The following ARL15 variants were observed in gnomAD, a reference collection of about 807,000 sequenced individuals.
ARL15 encodes the protein ADP-ribosylation factor-like protein 15.
In ARL15, 19 loss-of-function variants were observed where a neutral mutation model predicts 25.2. The observed-to-expected ratio is 0.75, with a 90% CI of 0.53 to 1.10. ARL15 has a LOEUF of 1.10. Ranked by LOEUF, ARL15 falls within the 50% of genes least tolerant of loss-of-function variation. The pLI is 0.00. For synonymous variants in ARL15, 94 were observed against 86.8 expected (o/e 1.08, Z -0.46); for missense variants, 220 against 246.0 (o/e 0.89, Z 0.71).
chr5:54,058,000 A>T (rs889581551), intron 4 of ARL15, among the ~76,000 whole-genome samples: 115 of 136,730 alleles, frequency 8.4e-4, no homozygotes, highest in African/African-American at 2.6e-3. Flanking sequence ...TTATTTATTT[A>T]TTTATTTATT....
intron 1 of ARL15, among the ~76,000 whole-genome samples, chr5:54,192,068 C>T (rs889510478): frequency 5.9e-5 from 9 of 152,154 alleles, no homozygotes; most frequent in South Asian, 2.1e-4. Context: ...TCCTGGCCCA[C>T]GCTTGGTAAC....
At chr5:54,166,403 G>C (rs1206682091) in intron 2 of ARL15, among the ~76,000 whole-genome samples, 1 of 151,976 alleles carries the variant, frequency 6.6e-6, no homozygotes, top group Non-Finnish European at 1.5e-5. Context: ...GTCTTACTAT[G>C]TTGCCCAAGC....
intron 1 of ARL15, among the ~76,000 whole-genome samples, chr5:54,192,532 G>C (rs1001163973): frequency 6.6e-6 from 1 of 151,750 alleles, no homozygotes; most frequent in African/African-American, 2.4e-5. Context: ...TTGAATGGAA[G>C]GAACATGCAT....
At position 54,303,088 on chromosome 5, in the gene ARL15, AT is replaced by A. The variant is rs530386540; in HGVS notation, c.48+7343del. On this transcript the variant is annotated intron_variant, in intron 1 of 4. Coordinates refer to ENST00000504924, the MANE Select transcript of ARL15 (RefSeq NM_019087.3). ...GTCTACCTTAGAAATAAATCCTTTT[AT>A]AAAGTTAATACCATCAGGAGATTTT... 4.6e-5 allele frequency among the ~76,000 whole-genome samples: 7 copies of A among 152,240 alleles called. No individual in the cohort carries two copies. In the South Asian group the frequency reaches 1.5e-3, roughly 32 times the overall value.
At chr5:53,960,039 C>A (rs1448746192) in intron 4 of ARL15, among the ~76,000 whole-genome samples, 1 of 152,016 alleles carries the variant, frequency 6.6e-6, no homozygotes, top group Non-Finnish European at 1.5e-5. Flanking sequence ...GTCAAGCAGA[C>A]AGACAGATAT....
chr5:54,306,289 A>C (rs1408602169), intron 1 of ARL15, among the ~76,000 whole-genome samples: 1 of 152,212 alleles, frequency 6.6e-6, no homozygotes, highest in African/African-American at 2.4e-5. Context: ...TATTTCCATA[A>C]ATTGAGACTA....
intron 4 of ARL15, among the ~76,000 whole-genome samples, chr5:54,025,181 A>T (rs1749748357): frequency 6.6e-6 from 1 of 152,138 alleles, no homozygotes; most frequent in African/African-American, 2.4e-5. Flanking sequence ...GAACAAATGG[A>T]AAGTGAGGAT....
At chr5:54,239,857 C>A (rs1756908975) in intron 1 of ARL15, among the ~76,000 whole-genome samples, 1 of 152,090 alleles carries the variant, frequency 6.6e-6, no homozygotes, top group Admixed American at 6.6e-5. Context: ...TATTTACCTG[C>A]AAGTCTGTTT....
At chr5:54,144,583 A>T (rs1417607820) in intron 3 of ARL15, among the ~76,000 whole-genome samples, 3 of 151,630 alleles carry the variant, frequency 2.0e-5, no homozygotes, top group Non-Finnish European at 4.4e-5. Flanking sequence ...CTCATTTTTC[A>T]TTTGGCATCT....
At chr5:54,016,705 T>A (rs1749439844) in intron 4 of ARL15, among the ~76,000 whole-genome samples, 1 of 152,192 alleles carries the variant, frequency 6.6e-6, no homozygotes, top group African/African-American at 2.4e-5. Context: ...CAGACCTCGC[T>A]CAAATGCAAC....
intron 1 of ARL15, among the ~76,000 whole-genome samples, chr5:54,257,575 T>C (rs904012461): frequency 2.6e-5 from 4 of 152,258 alleles, no homozygotes; most frequent in Non-Finnish European, 5.9e-5. Context: ...CCAGTGACCA[T>C]GTGGAATGTG....
intron 4 of ARL15, among the ~76,000 whole-genome samples, chr5:54,080,698 AC>A (rs1751769884): frequency 6.6e-6 from 1 of 152,232 alleles, no homozygotes; most frequent in Non-Finnish European, 1.5e-5. Flanking sequence ...AACAGGGAGT[AC>A]AAAAAAACCC....
At chr5:54,118,550 G>C (rs1388948925) in intron 3 of ARL15, among the ~76,000 whole-genome samples, 1 of 152,146 alleles carries the variant, frequency 6.6e-6, no homozygotes, top group African/African-American at 2.4e-5. Flanking sequence ...GTGAGAAAAA[G>C]ACATTTAAGA....
At chr5:54,049,239 T>A (rs1283655569) in intron 4 of ARL15, among the ~76,000 whole-genome samples, 1 of 152,100 alleles carries the variant, frequency 6.6e-6, no homozygotes, top group African/African-American at 2.4e-5. Flanking sequence ...AAATTACTTA[T>A]TTTTTGTTTT....
intron 4 of ARL15, among the ~76,000 whole-genome samples, chr5:54,016,446 G>A (rs1749431722): frequency 6.6e-6 from 1 of 152,016 alleles, no homozygotes; most frequent in African/African-American, 2.4e-5. Flanking sequence ...GACTCATAAG[G>A]GCCCACACTT....
chr5:54,080,010 C>CACACACTTAT (rs1554038854), intron 4 of ARL15, among the ~76,000 whole-genome samples: 1 of 144,680 alleles, frequency 6.9e-6, no homozygotes, highest in Non-Finnish European at 1.5e-5. Context: ...CACACACACA[C>CACACACTTAT]ACACACAGAC....
intron 3 of ARL15, among the ~76,000 whole-genome samples, chr5:54,143,685 A>G (rs1753830440): frequency 6.6e-6 from 1 of 151,622 alleles, no homozygotes; most frequent in Non-Finnish European, 1.5e-5. Flanking sequence ...TTTTGTCCTT[A>G]CAGTACATTT....
chr5:53,896,646 G>A (rs972042308), intron 4 of ARL15, among the ~76,000 whole-genome samples: 16 of 152,002 alleles, frequency 1.1e-4, no homozygotes, highest in South Asian at 2.1e-4. Context: ...ACAGGCGCCC[G>A]CCACCACGCC....
At position 53,905,684 on chromosome 5, in the gene ARL15, T is replaced by TCC. The variant is rs1221777002; in HGVS notation, c.463-18972_463-18971insGG. On this transcript the variant is annotated intron_variant, in intron 4 of 4. Transcript: ENST00000504924. ...ATCATCTGTTTCTTTCCAAATGAAT[T>TCC]CTTACCAAATTCATTTTTCCTTTGG... 3.7e-3 allele frequency among the ~76,000 whole-genome samples: 567 copies of TCC among 152,310 alleles called. 6 individuals are homozygous for TCC. Among genetic ancestry groups the TCC allele is most frequent in the African/African-American group, 0.013 (531 of 41,560 alleles).
Sources: gnomAD v4.1 joint callset for allele counts (sites outside exome capture counted in the v4.1 genomes callset) on GRCh38, gnomAD v4.1.1 for gene constraint, MANE v1.5 for transcripts, NCBI Gene and HGNC (gene_info 2026-07-23, HGNC 2026-07-21) for gene names.